DIAPH2: variants seen among roughly 807,000 people sequenced by gnomAD.
The protein encoded by DIAPH2 is protein diaphanous homolog 2.
A neutral mutation model predicts 92.7 loss-of-function variants in DIAPH2; 35 were observed. The ratio of observed to expected loss-of-function variants is 0.38; its 90% CI spans 0.29 to 0.50. The LOEUF (loss-of-function observed/expected upper bound fraction) is 0.50. DIAPH2 is among the 20% of genes least tolerant of loss of function. The pLI is 0.94. For missense variants in DIAPH2, 701 were observed against 819.5 expected (o/e 0.86, Z 1.77); for synonymous variants, 301 against 280.4 (o/e 1.07, Z -0.73).
At chrX:97,587,301 C>T (rs2071485638) in intron 26 of DIAPH2, among the ~76,000 whole-genome samples, 2 of 110,213 alleles carry the variant, frequency 1.8e-5, no homozygotes, top group Admixed American at 9.7e-5. Context: ...AATGAGTGAC[C>T]GGTTTTGCTA....
At chrX:97,059,268 G>A (rs917264421) in intron 17 of DIAPH2, among the ~76,000 whole-genome samples, 6 of 111,477 alleles carry the variant, frequency 5.4e-5, no homozygotes, top group Non-Finnish European at 1.1e-4. Flanking sequence ...TTTTGGAGGC[G>A]GGACTTCAAG....
rs183620197 is a variant in DIAPH2 at position 96,838,706 on chromosome X, A to G, written c.448-42873A>G. Among the ~76,000 whole-genome samples, 730 of 111,838 alleles carry G rather than the reference A, an allele frequency of 6.5e-3. 4 individuals carry two copies. Among genetic ancestry groups the G allele is most frequent in the Non-Finnish European group, 0.01 (544 of 53,071 alleles). On this transcript the variant is annotated intron_variant, in intron 4 of 26. Coordinates refer to ENST00000324765, the MANE Select transcript of DIAPH2 (RefSeq NM_006729.5). ...TGAGAGAGTCAAACAGTGTACCGTA[A>G]TAGATGAAATGGAAAGTAATTATGT... is the stretch of plus-strand genomic sequence containing the variant.
intron 23 of DIAPH2, among the ~76,000 whole-genome samples, chrX:97,334,993 C>CA (rs1314227612): frequency 0.013 from 88 of 6,634 alleles, 1 homozygote; most frequent in South Asian, 0.088. Context: ...AAAACAAAAA[C>CA]AAAACAAAAA....
At chrX:97,311,076 T>C in intron 23 of DIAPH2, among the ~76,000 whole-genome samples, 1 of 111,780 alleles carries the variant, frequency 8.9e-6, no homozygotes, top group Non-Finnish European at 1.9e-5. Flanking sequence ...TGAGCTATTA[T>C]TTAAAGATGA....
At chrX:97,252,919 GA>G (rs1178391047) in intron 23 of DIAPH2, among the ~76,000 whole-genome samples, 2 of 111,279 alleles carry the variant, frequency 1.8e-5, no homozygotes, top group Non-Finnish European at 3.8e-5. Flanking sequence ...TCAGGGAGAG[GA>G]GGGTACAGGA....
chrX:96,964,127 C>T lies in DIAPH2; in HGVS notation c.1936-966C>T, dbSNP rs751739626. ...AAAATCCATTTACCCAGACAACCAT[C>T]TGGGGAAATGTGTCATCCAATAACA... is the stretch of plus-strand genomic sequence containing the variant. On this transcript the variant is annotated intron_variant, in intron 16 of 26. Transcript: ENST00000324765. 6.3e-5 allele frequency among the ~76,000 whole-genome samples: 7 copies of T among 111,118 alleles called. No homozygotes were observed. The East Asian group carries it at 2.0e-3, about 32-fold the overall frequency.
intron 26 of DIAPH2, among the ~76,000 whole-genome samples, chrX:97,596,629 G>A (rs952985557): frequency 9.0e-6 from 1 of 111,364 alleles, no homozygotes; most frequent in African/African-American, 3.3e-5. Context: ...ATACAATCAT[G>A]GCCACTATCA....
At chrX:97,285,424 G>C (rs1223803619) in intron 23 of DIAPH2, among the ~76,000 whole-genome samples, 3 of 106,452 alleles carry the variant, frequency 2.8e-5, no homozygotes, top group African/African-American at 1.0e-4. Context: ...GTTATGGTCA[G>C]GCTGGCAGTC....
intron 23 of DIAPH2, among the ~76,000 whole-genome samples, chrX:97,249,428 A>G (rs779591430): frequency 5.4e-5 from 6 of 111,997 alleles, no homozygotes; most frequent in African/African-American, 1.9e-4. Context: ...AAGTGTGACT[A>G]TTTGTCCACA....
intron 25 of DIAPH2, among the ~76,000 whole-genome samples, chrX:97,406,508 T>A (rs978468288): frequency 9.8e-5 from 11 of 112,095 alleles, no homozygotes; most frequent in Middle Eastern, 4.2e-3. Context: ...GTTGGATAAT[T>A]GCTTTAAAGA....
intron 26 of DIAPH2, among the ~76,000 whole-genome samples, chrX:97,438,927 A>T (rs1214474678): frequency 8.9e-6 from 1 of 111,963 alleles, no homozygotes; most frequent in Non-Finnish European, 1.9e-5. Flanking sequence ...TTGAGCATAT[A>T]CTGTGTGATT....
intron 22 of DIAPH2, among the ~76,000 whole-genome samples, chrX:97,182,936 G>A (rs1007581235): frequency 6.3e-5 from 7 of 110,880 alleles, no homozygotes; most frequent in Non-Finnish European, 1.3e-4. Flanking sequence ...AAAATGATGA[G>A]ATTAAAAGAG....
chrX:97,037,591 T>G (rs1342096950), intron 17 of DIAPH2, among the ~76,000 whole-genome samples: 1 of 112,086 alleles, frequency 8.9e-6, no homozygotes, highest in African/African-American at 3.2e-5. Context: ...CTGTCCCAGC[T>G]TTGAACAAGT....
chrX:96,732,736 GTAT>G (rs754325215), intron 1 of DIAPH2, among the ~76,000 whole-genome samples: 1 of 112,083 alleles, frequency 8.9e-6, no homozygotes, highest in South Asian at 3.7e-4. Context: ...TCCTTCTCCA[GTAT>G]TATTTTTGAC....
intron 17 of DIAPH2, among the ~76,000 whole-genome samples, chrX:97,062,843 G>A (rs1235828470): frequency 9.3e-6 from 1 of 107,546 alleles, no homozygotes; most frequent in Non-Finnish European, 1.9e-5. Flanking sequence ...GACCAGCCTG[G>A]CCAACATGGT....
chrX:96,980,769 A>G (rs189810854), intron 17 of DIAPH2, among the ~76,000 whole-genome samples: 19 of 110,155 alleles, frequency 1.7e-4, no homozygotes, highest in Admixed American at 1.5e-3. Flanking sequence ...CCAGAGATCT[A>G]TATAATTGAG....
At chrX:96,898,894 A>G (rs1251731193) in intron 5 of DIAPH2, among the ~76,000 whole-genome samples, 3 of 108,393 alleles carry the variant, frequency 2.8e-5, no homozygotes, top group East Asian at 2.9e-4. Context: ...ATCTTGAATT[A>G]ATTTTTGTAT....
intron 26 of DIAPH2, among the ~76,000 whole-genome samples, chrX:97,590,000 G>A (rs2071506831): frequency 8.9e-6 from 1 of 112,522 alleles, no homozygotes; most frequent in Admixed American, 9.4e-5. Context: ...AAGTGTGTGT[G>A]ATATTAACCA....
intron 17 of DIAPH2, among the ~76,000 whole-genome samples, chrX:97,038,485 AG>A (rs1363308701): frequency 9.1e-6 from 1 of 110,061 alleles, no homozygotes; most frequent in East Asian, 2.8e-4. Context: ...GCAGTGTAAA[AG>A]TATTCCCTTT....
Sources: allele counts gnomAD v4.1 joint callset (sites outside exome capture counted in the v4.1 genomes callset), GRCh38; gene constraint gnomAD v4.1.1; transcripts MANE v1.5; gene names NCBI Gene and HGNC (gene_info 2026-07-23, HGNC 2026-07-21).